The following VPS35L variants were observed in gnomAD, a reference collection of about 807,000 sequenced individuals.
VPS35L encodes the protein VPS35 endosomal protein-sorting factor-like.
VPS35L carries 83 observed loss-of-function variants against 133.0 expected under a neutral mutation model. The ratio of observed to expected loss-of-function variants is 0.62; its 90% CI spans 0.52 to 0.75. The LOEUF is 0.75. VPS35L is among the 30% of genes least tolerant of loss of function. VPS35L has a pLI of 0.00. For missense variants in VPS35L, 1,083 were observed against 1,206.8 expected (o/e 0.90, Z 1.52); for synonymous variants, 423 against 449.9 (o/e 0.94, Z 0.76).
At chr16:19,645,154 G>C (rs1352278976) in intron 23 of VPS35L, among the ~76,000 whole-genome samples, 1 of 152,126 alleles carries the variant, frequency 6.6e-6, no homozygotes, top group Non-Finnish European at 1.5e-5. Flanking sequence ...GGAAAAAGGT[G>C]GGGGGCGGGA....
In VPS35L at chr16:19,568,305, C is replaced by A. The variant is rs551021413; in HGVS notation, c.118-1119C>A. ...CTGGAAGCTCTTCAAACCGCCCCCC[C>A]CTTTTTTTTTTTTGAGACAGGGTCT... On this transcript the variant is annotated intron_variant, in intron 2 of 30. Coordinates refer to ENST00000417362, the MANE Select transcript of VPS35L (RefSeq NM_020314.7). Among the ~76,000 whole-genome samples, 16 of 151,868 alleles carry A rather than the reference C, an allele frequency of 1.1e-4. No individual in the cohort carries two copies. The East Asian group carries it at 1.2e-3, about 11-fold the overall frequency.
intron 20 of VPS35L, among the ~76,000 whole-genome samples, chr16:19,638,656 C>T (rs1264807797): frequency 6.6e-6 from 1 of 152,200 alleles, no homozygotes; most frequent in African/African-American, 2.4e-5. Context: ...GATACCATGA[C>T]AGTGAATCTG....
At chr16:19,635,110 A>G (rs1020248173) in intron 19 of VPS35L, among the ~76,000 whole-genome samples, 5 of 152,160 alleles carry the variant, frequency 3.3e-5, no homozygotes, top group African/African-American at 1.2e-4. Flanking sequence ...AGGCTGAGGC[A>G]GGAGGATTAT....
chr16:19,693,973 A>G (rs1053540217), intron 29 of VPS35L: 1 of 152,078 alleles, frequency 6.6e-6, no homozygotes, highest in African/African-American at 2.4e-5. Flanking sequence ...AAAAAAAAAA[A>G]AAAGAAAAAA....
chr16:19,699,249 T>C lies in VPS35L; in HGVS notation c.2647-253T>C, dbSNP rs9923545. 8.7e-3 allele frequency: 3,653 copies of C among 419,482 alleles called. 99 individuals carry two copies. Among genetic ancestry groups the C allele is most frequent in the African/African-American group, 0.066 (3,314 of 50,372 alleles). 26.0% of individuals were successfully genotyped at this position (419,482 alleles called of 1,614,324 possible). ...TGAGTTTCTTCCATTTCATGAGTAA[T>C]GACCATCTGTGGGCACAGAGCTTCG... On this transcript the variant is annotated intron_variant, in intron 29 of 30. Coordinates refer to ENST00000417362, the MANE Select transcript of VPS35L (RefSeq NM_020314.7). The surrounding 1 kb of genome is among the most constrained non-coding windows in gnomAD (Gnocchi z 4.2).
chr16:19,663,227 C>T (rs1974545604), intron 26 of VPS35L, among the ~76,000 whole-genome samples: 1 of 152,136 alleles, frequency 6.6e-6, no homozygotes, highest in African/African-American at 2.4e-5. Context: ...AGGAGAATCA[C>T]TTGAACCCAG....
At chr16:19,601,310 T>G (rs1223498041) in intron 8 of VPS35L, among the ~76,000 whole-genome samples, 2 of 152,160 alleles carry the variant, frequency 1.3e-5, no homozygotes, top group Non-Finnish European at 2.9e-5. Flanking sequence ...GGAGTGGCCA[T>G]GCACAACTGG....
intron 8 of VPS35L, among the ~76,000 whole-genome samples, chr16:19,597,915 T>TG (rs1415916673): frequency 4.7e-4 from 71 of 152,294 alleles, no homozygotes; most frequent in African/African-American, 1.6e-3. Flanking sequence ...TAGGGACAGG[T>TG]GTTTCATGGT....
rs1971138095 is a variant in VPS35L at position 19,564,874 on chromosome 16, A to C, written c.41A>C (p.Lys14Thr). The change falls in exon 2 of 31, where the codon AAA (lysine) becomes ACA (threonine). Residue 14 changes from lysine to threonine, a missense_variant. Lys to Thr is a moderately conservative substitution (Grantham distance 78). Coordinates refer to ENST00000417362, the MANE Select transcript of VPS35L (RefSeq NM_020314.7). Reference sequence around the variant, plus strand: ...AGGCACTCCAGGAATAGGAACTACAAAGCTGAATTTGCATCATGCCGACTG... The same window carrying C: ...AGGCACTCCAGGAATAGGAACTACACAGCTGAATTTGCATCATGCCGACTG... Reference protein sequence around the residue: ...FPWHSRNRNYKAEFASCRLEA... With the variant: ...FPWHSRNRNYTAEFASCRLEA... 1 of 1,613,542 alleles carries C rather than the reference A, an allele frequency of 6.2e-7. No homozygotes were observed.
chr16:19,569,662 T>C, intron 3 of VPS35L, 71 bp downstream of exon 3: 1 of 1,394,382 alleles, frequency 7.2e-7, no homozygotes, highest in South Asian at 1.6e-5. Context: ...GGTTTTCTTG[T>C]GCCCTGCCCT....
chr16:19,611,957 TG>T (rs1972736440), intron 12 of VPS35L, among the ~76,000 whole-genome samples: 2 of 151,660 alleles, frequency 1.3e-5, no homozygotes, highest in Non-Finnish European at 2.9e-5. Flanking sequence ...TTTTTTTTTT[TG>T]AGATGGAGTC....
At chr16:19,570,932 A>G (rs1971363902) in intron 3 of VPS35L, among the ~76,000 whole-genome samples, 1 of 141,396 alleles carries the variant, frequency 7.1e-6, no homozygotes, top group South Asian at 2.3e-4. Context: ...GCCGGTGTGA[A>G]GTGGGGTGAT....
intron 22 of VPS35L, among the ~76,000 whole-genome samples, chr16:19,642,795 T>G (rs1973826868): frequency 6.6e-6 from 1 of 152,216 alleles, no homozygotes; most frequent in South Asian, 2.1e-4. Flanking sequence ...ATGAGCTCAC[T>G]CATCCAGTAA....
chr16:19,627,625 T>C (rs565395400), intron 15 of VPS35L, 69 bp from the exon 16 acceptor site: 5 of 1,212,582 alleles, frequency 4.1e-6, no homozygotes, highest in Non-Finnish European at 6.1e-6. Context: ...CCTGGCAATA[T>C]ATATTCAAAA....
rs58794831 is a variant in VPS35L at position 19,570,834 on chromosome 16, C to CATATATATAT, written c.285+1290_285+1299dup. Among the ~76,000 whole-genome samples the CATATATATAT allele has an allele frequency of 2.5e-3, 199 of 78,758 alleles. 1 individual carries two copies. Among genetic ancestry groups the CATATATATAT allele is most frequent in the Non-Finnish European group, 4.3e-3 (154 of 36,020 alleles). The allele number at this position is 78,758 out of a possible 152,430, so 51.7% of individuals were successfully genotyped here. A position where few individuals can be genotyped will look rare whatever the true frequency, so the allele number is the denominator to read the frequency against. Reference sequence around the variant, plus strand: ...TCGATCATCATCCTATGCTGTGTTTCATATATATATATATATATATATATA... The same window carrying CATATATATAT: ...TCGATCATCATCCTATGCTGTGTTTCATATATATATATATATATATATATATATATATATA... On this transcript the variant is annotated intron_variant, in intron 3 of 30. Transcript: ENST00000417362.
chr16:19,635,290 G>C (rs1401334121), intron 19 of VPS35L, among the ~76,000 whole-genome samples: 1 of 152,144 alleles, frequency 6.6e-6, no homozygotes, highest in Non-Finnish European at 1.5e-5. Flanking sequence ...AGAGGCTGCA[G>C]TGAGCTATGA....
chr16:19,619,823 T>C (rs1198139711), intron 14 of VPS35L, among the ~76,000 whole-genome samples: 3 of 152,168 alleles, frequency 2.0e-5, no homozygotes, highest in African/African-American at 7.2e-5. Context: ...GCAGAAGAAT[T>C]GATGTCGGTA....
intron 3 of VPS35L, among the ~76,000 whole-genome samples, chr16:19,570,218 T>C (rs1309821588): frequency 6.6e-6 from 1 of 152,114 alleles, no homozygotes; most frequent in South Asian, 2.1e-4. Flanking sequence ...TGCACCACCA[T>C]GCCCAGCTAA....
chr16:19,674,618 G>A (rs1007370316), intron 27 of VPS35L, among the ~76,000 whole-genome samples: 3 of 152,054 alleles, frequency 2.0e-5, no homozygotes, highest in Admixed American at 1.3e-4. Flanking sequence ...CGGTTTTTAC[G>A]TGTACAATAC....
Sources: gnomAD v4.1 joint callset for allele counts (sites outside exome capture counted in the v4.1 genomes callset) on GRCh38, gnomAD v4.1.1 for gene constraint, Gnocchi (gnomAD v3.1) non-coding constraint, MANE v1.5 for transcripts, NCBI Gene and HGNC (gene_info 2026-07-23, HGNC 2026-07-21) for gene names.